The following PTPN1 variants were observed in gnomAD, a reference collection of about 807,000 sequenced individuals.
The protein encoded by PTPN1 is protein tyrosine phosphatase non-receptor type 1, also known as tyrosine-protein phosphatase non-receptor type 1.
A neutral mutation model predicts 59.9 loss-of-function variants in PTPN1; 12 were observed. That is an observed-to-expected ratio of 0.20 (90% confidence interval 0.13 to 0.32). PTPN1 has a LOEUF of 0.32. Ranked by LOEUF, PTPN1 falls within the 10% of genes least tolerant of loss-of-function variation. The pLI is 1.00. For missense variants in PTPN1, 356 were observed against 549.2 expected (o/e 0.65, Z 3.52); for synonymous variants, 178 against 203.6 (o/e 0.87, Z 1.07).
At chr20:50,518,971 G>T (rs2082540248) in intron 1 of PTPN1, among the ~76,000 whole-genome samples, 1 of 152,098 alleles carries the variant, frequency 6.6e-6, no homozygotes, top group South Asian at 2.1e-4. Flanking sequence ...GGCCCTTTAT[G>T]TACCTATCAT....
intron 1 of PTPN1, among the ~76,000 whole-genome samples, chr20:50,549,586 C>A (rs1302053573): frequency 6.6e-6 from 1 of 152,098 alleles, no homozygotes; most frequent in African/African-American, 2.4e-5. Context: ...CCAGTTTTGC[C>A]CCTTCCTCCC....
intron 1 of PTPN1, among the ~76,000 whole-genome samples, chr20:50,531,984 C>T (rs1214556570): frequency 1.3e-5 from 2 of 152,160 alleles, no homozygotes; most frequent in Non-Finnish European, 2.9e-5. Context: ...TCCACATGTG[C>T]GCCTTGTGAC....
chr20:50,582,900 T>C lies in PTPN1; in HGVS notation c.*185T>C. On this transcript the variant is annotated 3_prime_UTR_variant, in exon 10 of 10. Transcript: ENST00000371621. This position sits in a 1 kb window ranked among gnomAD's most constrained non-coding sequence, Gnocchi z 4.2. Reference sequence around the variant, plus strand: ...GATGTGTGTCTCACCCCTCATCCTTTTACTTTTTGCCCCTTCCACTTTGAG... The same window carrying C: ...GATGTGTGTCTCACCCCTCATCCTTCTACTTTTTGCCCCTTCCACTTTGAG... The C allele has an allele frequency of 1.5e-6, 1 of 670,536 alleles. No homozygotes were observed. Among genetic ancestry groups the C allele is most frequent in the Non-Finnish European group, 2.6e-6 (1 of 391,964 alleles). The allele number at this position is 670,536 out of a possible 1,614,324, so 41.5% of individuals were successfully genotyped here.
intron 1 of PTPN1, among the ~76,000 whole-genome samples, chr20:50,547,940 G>A (rs1215656618): frequency 6.6e-6 from 1 of 152,152 alleles, no homozygotes; most frequent in Non-Finnish European, 1.5e-5. Context: ...TTAAATGGCT[G>A]CATAACTGTA....
At chr20:50,533,440 C>T (rs1311932532) in intron 1 of PTPN1, among the ~76,000 whole-genome samples, 1 of 151,910 alleles carries the variant, frequency 6.6e-6, no homozygotes, top group Non-Finnish European at 1.5e-5. Flanking sequence ...ACCCACTGCC[C>T]CCTGCCCCCC....
chr20:50,577,558 G>C (rs1326409177), intron 5 of PTPN1: 2 of 152,332 alleles, frequency 1.3e-5, no homozygotes, highest in Admixed American at 6.5e-5. Context: ...ACTCCCCCCA[G>C]TGAGGGCTGC....
chr20:50,544,880 C>G (rs1353932245), intron 1 of PTPN1, among the ~76,000 whole-genome samples: 1 of 152,118 alleles, frequency 6.6e-6, no homozygotes, highest in Non-Finnish European at 1.5e-5. Flanking sequence ...GTGGCACACA[C>G]CTGTAATCCC....
chr20:50,567,942 G>A (rs1020577658), intron 3 of PTPN1, among the ~76,000 whole-genome samples: 21 of 152,218 alleles, frequency 1.4e-4, no homozygotes, highest in African/African-American at 4.6e-4. Context: ...GGCAGGGAGC[G>A]ATGAAGTGAC....
At chr20:50,571,805 T>C (rs891480555) in intron 4 of PTPN1, 31 of 152,258 alleles carry the variant, frequency 2.0e-4, no homozygotes, top group African/African-American at 7.0e-4. Flanking sequence ...GTTGGGATTG[T>C]TGTTTAGAAG....
At position 50,579,028 on chromosome 20, in the gene PTPN1, A is replaced by T. The variant is rs925668448; in HGVS notation, c.703-140A>T. On this transcript the variant is annotated intron_variant, in intron 6 of 9. Coordinates refer to ENST00000371621, the MANE Select transcript of PTPN1 (RefSeq NM_002827.4). ...AGGGACCTGTCCCCCTGACCCAGAC[A>T]CCTCCCACCCAGCCCCACCTCCAAC... The T allele has an allele frequency of 6.2e-6, 6 of 966,190 alleles. No homozygotes were observed. The African/African-American group carries it at 8.2e-5, about 13-fold the overall frequency. The allele number at this position is 966,190 out of a possible 1,614,324, so 59.9% of individuals were successfully genotyped here.
chr20:50,520,852 A>T (rs997750308), intron 1 of PTPN1, among the ~76,000 whole-genome samples: 1 of 152,230 alleles, frequency 6.6e-6, no homozygotes, highest in Non-Finnish European at 1.5e-5. Context: ...GAGGAGTTGC[A>T]TACAGGATCT....
intron 2 of PTPN1, among the ~76,000 whole-genome samples, chr20:50,562,833 C>G (rs1261236568): frequency 6.6e-6 from 1 of 152,240 alleles, no homozygotes; most frequent in Admixed American, 6.5e-5. Flanking sequence ...CCGTTCACCT[C>G]TTTGACATGG....
At chr20:50,548,850 TG>T (rs754663514) in intron 1 of PTPN1, among the ~76,000 whole-genome samples, 52 of 152,192 alleles carry the variant, frequency 3.4e-4, no homozygotes, top group Non-Finnish European at 7.1e-4. Context: ...CCTGAGTACC[TG>T]GGGTTACAGT....
Position 50,584,907 on chromosome 20 carries a change from G to A in PTPN1, c.*2192G>A, listed in dbSNP as rs1161621801. The A allele has an allele frequency of 1.3e-5, 2 of 152,154 alleles. No homozygotes were observed. Among genetic ancestry groups the A allele is most frequent in the Non-Finnish European group, 2.9e-5 (2 of 68,044 alleles). 9.4% of individuals were successfully genotyped at this position (152,154 alleles called of 1,614,324 possible). Reference sequence around the variant, plus strand: ...TTTCCACTTCTAAGAATTAACCTCAGCATCCCTGCATTGCCAGCACCCTCA... The same window carrying A: ...TTTCCACTTCTAAGAATTAACCTCAACATCCCTGCATTGCCAGCACCCTCA... On this transcript the variant is annotated 3_prime_UTR_variant, in exon 10 of 10. Coordinates refer to ENST00000371621, the MANE Select transcript of PTPN1 (RefSeq NM_002827.4).
chr20:50,560,248 C>G (rs2082746062), intron 1 of PTPN1, among the ~76,000 whole-genome samples: 1 of 152,002 alleles, frequency 6.6e-6, no homozygotes, highest in Non-Finnish European at 1.5e-5. Flanking sequence ...TCCACTGTGC[C>G]AACAGTCTTG....
intron 1 of PTPN1, among the ~76,000 whole-genome samples, chr20:50,556,868 C>A (rs941451835): frequency 4.6e-5 from 7 of 152,148 alleles, no homozygotes; most frequent in Non-Finnish European, 8.8e-5. Context: ...TTGCTTCAAC[C>A]CGGGAGGCAG....
chr20:50,577,046 A>G (rs557301360), intron 5 of PTPN1, among the ~76,000 whole-genome samples: 4 of 152,272 alleles, frequency 2.6e-5, no homozygotes, highest in African/African-American at 7.2e-5. Flanking sequence ...GAGTCTAGCA[A>G]TTATCCTAAC....
chr20:50,574,336 A>G (rs2082825417), intron 4 of PTPN1, 181 bp from the exon 5 acceptor site: 1 of 589,634 alleles, frequency 1.7e-6, no homozygotes, highest in Non-Finnish European at 2.8e-6. Context: ...CCCGGTCAGC[A>G]GCTTCGTGCC....
intron 1 of PTPN1, among the ~76,000 whole-genome samples, chr20:50,544,429 T>A (rs575371670): frequency 1.3e-5 from 2 of 152,232 alleles, no homozygotes; most frequent in Non-Finnish European, 2.9e-5. Context: ...GTGCTGGTAT[T>A]ACAGGTGTAA....
Sources: gnomAD v4.1 joint callset for allele counts (sites outside exome capture counted in the v4.1 genomes callset) on GRCh38, gnomAD v4.1.1 for gene constraint, Gnocchi (gnomAD v3.1) non-coding constraint, MANE v1.5 for transcripts, NCBI Gene and HGNC (gene_info 2026-07-23, HGNC 2026-07-21) for gene names.